PID1: variants seen among roughly 807,000 people sequenced by gnomAD.
The protein encoded by PID1 is phosphotyrosine interaction domain containing 1, also known as PTB-containing, cubilin and LRP1-interacting protein.
Under a neutral mutation model 19.1 loss-of-function variants are expected in PID1, and 10 were observed. That is an observed-to-expected ratio of 0.52 (90% CI 0.32 to 0.89). PID1 has a LOEUF of 0.89. Among genes scored for constraint, PID1 ranks in the 40% least tolerant of loss-of-function variants. PID1 has a pLI of 0.03. For missense variants in PID1, 248 were observed against 285.3 expected, an observed-to-expected ratio of 0.87 and a Z score of 0.94; for synonymous variants, 130 against 116.0, an observed-to-expected ratio of 1.12 and a Z score of -0.78.
intron 2 of PID1, among the ~76,000 whole-genome samples, chr2:229,063,433 C>A (rs1171255751): frequency 6.6e-6 from 1 of 151,982 alleles, no homozygotes; most frequent in Non-Finnish European, 1.5e-5. Flanking sequence ...GGGAATTCTC[C>A]AAAATTCTTC....
At chr2:229,059,108 G>A (rs1198025832) in intron 2 of PID1, among the ~76,000 whole-genome samples, 1 of 152,118 alleles carries the variant, frequency 6.6e-6, no homozygotes, top group Non-Finnish European at 1.5e-5. Context: ...CCCTATCCTT[G>A]AATGTTTTCT....
intron 1 of PID1, among the ~76,000 whole-genome samples, chr2:229,245,970 C>CT (rs1264068640): frequency 6.6e-6 from 1 of 152,128 alleles, no homozygotes; most frequent in African/African-American, 2.4e-5. Flanking sequence ...TTTTCGTGCT[C>CT]TGTTTGTTTC....
At chr2:229,265,002 AC>A (rs1321129881) in intron 1 of PID1, among the ~76,000 whole-genome samples, 1 of 152,228 alleles carries the variant, frequency 6.6e-6, no homozygotes, top group Non-Finnish European at 1.5e-5. Context: ...TACGCTACAT[AC>A]CAAAATCTCT....
chr2:229,228,213 G>C (rs1692124266), intron 1 of PID1: 1 of 359,790 alleles, frequency 2.8e-6, no homozygotes, highest in Non-Finnish European at 5.6e-6. Context: ...CATTAAATGA[G>C]AACTTGTGTC....
chr2:229,137,713 G>A (rs1174083354), intron 2 of PID1, among the ~76,000 whole-genome samples: 1 of 152,196 alleles, frequency 6.6e-6, no homozygotes, highest in Non-Finnish European at 1.5e-5. Context: ...GTGAATTTAT[G>A]TCAAATGCAT....
chr2:229,271,119 C>G lies in PID1; in HGVS notation c.-76G>C, dbSNP rs565296907. 6.7e-7 allele frequency: 1 copy of G among 1,485,902 alleles called. No individual in the cohort carries two copies. Among genetic ancestry groups the G allele is most frequent in the South Asian group, 1.2e-5 (1 of 81,270 alleles). 92.0% of individuals were successfully genotyped at this position (1,485,902 alleles called of 1,614,324 possible). ...CGCCGGGGGGCGAGGGGCTGGGGTC[C>G]CGCTTTACATCTGGGGTCGGTGTCC... On this transcript the variant is annotated 5_prime_UTR_variant, in exon 1 of 3. Transcript: ENST00000392055.
chr2:229,044,603 C>T lies in PID1; in HGVS notation c.178-18495G>A, dbSNP rs554663416. 2.0e-5 allele frequency among the ~76,000 whole-genome samples: 3 copies of T among 152,318 alleles called. No individual in the cohort carries two copies. In the South Asian group the frequency reaches 6.2e-4, roughly 32 times the overall value. The stretch of plus-strand genomic sequence containing the variant: ...AAAGTCAAACTTGATTTCCCTGTAA[C>T]ACCAAGTTCTACAATGGACAATAAT... On this transcript the variant is annotated intron_variant, in intron 2 of 2. Transcript: ENST00000392055.
At chr2:229,109,089 A>G (rs1476326950) in intron 2 of PID1, among the ~76,000 whole-genome samples, 1 of 152,204 alleles carries the variant, frequency 6.6e-6, no homozygotes, top group African/African-American at 2.4e-5. Context: ...GCTCACTAAT[A>G]TCGAGACTTT....
intron 2 of PID1, among the ~76,000 whole-genome samples, chr2:229,084,608 T>C (rs75250685): frequency 0.023 from 3,524 of 152,290 alleles, 59 homozygotes; most frequent in South Asian, 0.05. Context: ...TAATAACAAA[T>C]GTGATGACAC....
intron 1 of PID1, among the ~76,000 whole-genome samples, chr2:229,246,078 A>G (rs1262350251): frequency 6.6e-6 from 1 of 152,172 alleles, no homozygotes; most frequent in African/African-American, 2.4e-5. Context: ...CAGAATTTGC[A>G]TATAATAGCA....
chr2:229,067,415 A>T (rs1166324112), intron 2 of PID1, among the ~76,000 whole-genome samples: 1 of 152,192 alleles, frequency 6.6e-6, no homozygotes, highest in Non-Finnish European at 1.5e-5. Flanking sequence ...AGGTACAGAC[A>T]AGTAAGGGAG....
chr2:229,180,819 T>G (rs2106218403), intron 1 of PID1, among the ~76,000 whole-genome samples: 1 of 152,358 alleles, frequency 6.6e-6, no homozygotes, highest in Non-Finnish European at 1.5e-5. Flanking sequence ...CCGACTCCCT[T>G]TCGATCCGCT....
chr2:229,091,070 A>T (rs534724556), intron 2 of PID1, among the ~76,000 whole-genome samples: 148 of 152,268 alleles, frequency 9.7e-4, no homozygotes, highest in African/African-American at 3.5e-3. Context: ...TCCCTTTTAA[A>T]CTTTATCTAT....
At chr2:229,226,830 G>A (rs1205180983) in intron 1 of PID1, among the ~76,000 whole-genome samples, 1 of 152,170 alleles carries the variant, frequency 6.6e-6, no homozygotes, top group African/African-American at 2.4e-5. Context: ...TACAACAGCA[G>A]ACAGAAAGGA....
intron 2 of PID1, among the ~76,000 whole-genome samples, chr2:229,145,714 T>C (rs1190714633): frequency 6.6e-6 from 1 of 152,186 alleles, no homozygotes; most frequent in Admixed American, 6.5e-5. Context: ...CCTGTGACAG[T>C]ACCGTGAATC....
At chr2:229,153,116 T>C (rs1310761683) in intron 2 of PID1, among the ~76,000 whole-genome samples, 3 of 152,170 alleles carry the variant, frequency 2.0e-5, no homozygotes. Context: ...TTGGGGAAGA[T>C]CTAAAAGGAT....
intron 1 of PID1, among the ~76,000 whole-genome samples, chr2:229,161,337 G>A (rs2106200737): frequency 6.6e-6 from 1 of 152,220 alleles, no homozygotes; most frequent in East Asian, 1.9e-4. Flanking sequence ...TCGCATCATT[G>A]AACTCCTGGA....
chr2:229,237,986 G>C (rs1689761670), intron 1 of PID1, among the ~76,000 whole-genome samples: 1 of 152,080 alleles, frequency 6.6e-6, no homozygotes, highest in Non-Finnish European at 1.5e-5. Context: ...AGAAAAAGTG[G>C]AGCTAGTATC....
chr2:229,066,351 G>C (rs551766841), intron 2 of PID1, among the ~76,000 whole-genome samples: 31 of 152,154 alleles, frequency 2.0e-4, no homozygotes, highest in Non-Finnish European at 4.3e-4. Flanking sequence ...GTGACAAGAG[G>C]GGAGGTATTT....
Sources: allele counts gnomAD v4.1 joint callset (sites outside exome capture counted in the v4.1 genomes callset), GRCh38; gene constraint gnomAD v4.1.1; transcripts MANE v1.5; gene names NCBI Gene and HGNC (gene_info 2026-07-23, HGNC 2026-07-21).